Variants in MACC1 observed in about 807,000 individuals in gnomAD.
MACC1 encodes the protein MET transcriptional regulator MACC1.
MACC1 carries 79 observed loss-of-function variants against 70.7 expected under a neutral mutation model. That is an observed-to-expected ratio of 1.12 (90% CI 0.93 to 1.35). The LOEUF (loss-of-function observed/expected upper bound fraction) is 1.35, where lower values mean the gene tolerates loss of function less well. Among genes scored for constraint, MACC1 ranks in the 40% most tolerant of loss-of-function variants. MACC1 has a pLI of 0.00. For missense variants in MACC1, 1,106 were observed against 978.1 expected (o/e 1.13, Z -1.74); for synonymous variants, 361 against 347.2 (o/e 1.04, Z -0.44).
rs1781794405 is a variant in MACC1, at chr7:20,141,135, A to G, written c.2370T>C (p.Asp790=). Residue 790 remains aspartate, a synonymous_variant, in exon 7 of 7, where the codon GAT becomes GAC. Transcript: ENST00000400331. ...AGTGAGCACTCCAGGTATACAGAAA[A>G]TCATAGGCAGGTTTCCACATCATCT... ...AVEMMWKPAY[D]FLYTWSAHYG... 1 of 1,604,304 alleles carries G rather than the reference A, an allele frequency of 6.2e-7. No homozygotes were observed. Among genetic ancestry groups the G allele is most frequent in the East Asian group, 2.2e-5 (1 of 44,516 alleles).
At chr7:20,156,152 G>T (rs1240767202) in intron 5 of MACC1, among the ~76,000 whole-genome samples, 1 of 152,074 alleles carries the variant, frequency 6.6e-6, no homozygotes, top group Admixed American at 6.6e-5. Context: ...AGCTTATCGG[G>T]TCGCTCCCTG....
At chr7:20,166,847 G>A (rs1278576874) in intron 2 of MACC1, among the ~76,000 whole-genome samples, 1 of 152,096 alleles carries the variant, frequency 6.6e-6, no homozygotes. Context: ...TGAAGTTCAG[G>A]AAAATCATAA....
intron 2 of MACC1, among the ~76,000 whole-genome samples, chr7:20,168,578 C>A (rs917663964): frequency 6.6e-6 from 1 of 152,186 alleles, no homozygotes; most frequent in African/African-American, 2.4e-5. Flanking sequence ...CTCGGTCCCA[C>A]CTTTTACAGT....
intron 6 of MACC1, chr7:20,147,669 A>G (rs940180678): frequency 4.6e-4 from 70 of 152,230 alleles, no homozygotes; most frequent in African/African-American, 1.6e-3. Context: ...TGTCCTCACG[A>G]GGGAGATGCT....
At chr7:20,194,650 A>T (rs142592272) in intron 1 of MACC1, among the ~76,000 whole-genome samples, 1 of 152,170 alleles carries the variant, frequency 6.6e-6, no homozygotes, top group Non-Finnish European at 1.5e-5. Context: ...GCAAAACATC[A>T]TTTTGCTGTC....
At chr7:20,161,457 G>C (rs1036163410) in intron 4 of MACC1, among the ~76,000 whole-genome samples, 1 of 151,822 alleles carries the variant, frequency 6.6e-6, no homozygotes, top group African/African-American at 2.4e-5. Flanking sequence ...GCTCCATGAA[G>C]ATTTCCTAGG....
intron 1 of MACC1, among the ~76,000 whole-genome samples, chr7:20,183,041 C>T (rs1782533807): frequency 6.6e-6 from 1 of 152,150 alleles, no homozygotes. Context: ...ATGTCAATCC[C>T]CTCCTGTGAA....
intron 1 of MACC1, among the ~76,000 whole-genome samples, chr7:20,171,871 T>G (rs1782313577): frequency 6.6e-6 from 1 of 152,172 alleles, no homozygotes; most frequent in Non-Finnish European, 1.5e-5. Flanking sequence ...AAATTTCACT[T>G]ATTTCAACAC....
intron 1 of MACC1, among the ~76,000 whole-genome samples, chr7:20,190,514 C>A (rs542869665): frequency 6.6e-6 from 1 of 152,200 alleles, no homozygotes; most frequent in East Asian, 1.9e-4. Context: ...CAAGGCATAG[C>A]AAATAAACAT....
chr7:20,189,269 G>C (rs1258619728), intron 1 of MACC1, among the ~76,000 whole-genome samples: 1 of 151,858 alleles, frequency 6.6e-6, no homozygotes, highest in East Asian at 1.9e-4. Flanking sequence ...CTATATATTT[G>C]ACTTATTTAT....
Position 20,159,876 on chromosome 7 carries a change from TG to T in MACC1, c.484del (p.Gln162ArgfsTer7). ...CCACTCTAAGTCGTGTAGTAGGATC[TG>T]GTCAGAGTTATGTATACTCTGATGG... is the stretch of plus-strand genomic sequence containing the variant. The part of the protein sequence containing the change: ...HAHQSIHNSD[Q>X]ILLHDLEWLK... On this transcript the variant is annotated frameshift_variant, in exon 5 of 7. Transcript: ENST00000400331. LOFTEE classifies it high-confidence loss of function. 1 of 1,614,162 alleles carries T rather than the reference TG, an allele frequency of 6.2e-7. No homozygotes were observed.
At chr7:20,207,284 G>A (rs193091563) in intron 1 of MACC1, among the ~76,000 whole-genome samples, 6 of 151,544 alleles carry the variant, frequency 4.0e-5, no homozygotes, top group Admixed American at 1.3e-4. Flanking sequence ...GGGATTACAG[G>A]CATGTGCCAC....
rs1562576802 is a variant in MACC1 at position 20,138,179 on chromosome 7, A to AAAAAAAAAAAAAAAAAAAAAAAAAAAC, written c.*2766_*2767insGTTTTTTTTTTTTTTTTTTTTTTTTTT. On this transcript the variant is annotated 3_prime_UTR_variant, in exon 7 of 7. Transcript: ENST00000400331. Reference sequence around the variant, plus strand: ...AAAAAAAAAAAAAAAAAAAAAAAAAAAAATTTCCCCTGGAAGGATTTGTTA... The same window carrying AAAAAAAAAAAAAAAAAAAAAAAAAAAC: ...AAAAAAAAAAAAAAAAAAAAAAAAAAAAAAAAAAAAAAAAAAAAAAAAAAAACAAATTTCCCCTGGAAGGATTTGTTA... The AAAAAAAAAAAAAAAAAAAAAAAAAAAC allele has an allele frequency of 2.9e-5, 4 of 139,362 alleles. No individual in the cohort carries two copies. The highest frequency in any genetic ancestry group is 4.7e-5 in the Non-Finnish European group (3 of 64,310). 8.6% of individuals were successfully genotyped at this position (139,362 alleles called of 1,614,324 possible).
intron 1 of MACC1, among the ~76,000 whole-genome samples, chr7:20,214,381 C>T (rs145252699): frequency 6.6e-6 from 1 of 152,076 alleles, no homozygotes; most frequent in African/African-American, 2.4e-5. Context: ...GCTTGATATT[C>T]CCCCTACTTC....
chr7:20,201,848 G>A (rs1782838707), intron 1 of MACC1, among the ~76,000 whole-genome samples: 1 of 152,184 alleles, frequency 6.6e-6, no homozygotes, highest in South Asian at 2.1e-4. Flanking sequence ...CTCCAAGGAT[G>A]CAAAATGTGA....
intron 6 of MACC1, among the ~76,000 whole-genome samples, chr7:20,152,958 C>A (rs1782002491): frequency 6.6e-6 from 1 of 152,092 alleles, no homozygotes; most frequent in Admixed American, 6.5e-5. Context: ...TTTGTTTTTC[C>A]TTCTTAAAGG....
chr7:20,140,935 A>T lies in MACC1; in HGVS notation c.*11T>A, dbSNP rs778942642. 1 of 1,602,598 alleles carries T rather than the reference A, an allele frequency of 6.2e-7. No homozygotes were observed. On this transcript the variant is annotated 3_prime_UTR_variant, in exon 7 of 7. Coordinates refer to ENST00000400331, the MANE Select transcript of MACC1 (RefSeq NM_182762.4). ...TCATTTTCCCTCCCATCAAAAACACACGCTTTGTTTCTATACTTCCTCAGA... is the reference window on the plus strand; with the variant it reads ...TCATTTTCCCTCCCATCAAAAACACTCGCTTTGTTTCTATACTTCCTCAGA...
In MACC1 at chr7:20,139,749, A is replaced by G. The variant is rs1215387493; in HGVS notation, c.*1197T>C. On this transcript the variant is annotated 3_prime_UTR_variant, in exon 7 of 7. Transcript: ENST00000400331. ...TTTGTGAACTTTGTCAGCCATTAGCATTTATACTGACCCAGGGTCCTATAC... is the reference window on the plus strand; with the variant it reads ...TTTGTGAACTTTGTCAGCCATTAGCGTTTATACTGACCCAGGGTCCTATAC... The G allele has an allele frequency of 6.6e-6, 1 of 151,862 alleles. No homozygotes were observed. Among genetic ancestry groups the G allele is most frequent in the Non-Finnish European group, 1.5e-5 (1 of 67,960 alleles). The allele number at this position is 151,862 out of a possible 1,614,324, so 9.4% of individuals were successfully genotyped here. A position where few individuals can be genotyped will look rare whatever the true frequency, so the allele number is the denominator to read the frequency against.
intron 1 of MACC1, among the ~76,000 whole-genome samples, chr7:20,183,611 A>C (rs1303108861): frequency 6.6e-6 from 1 of 152,204 alleles, no homozygotes; most frequent in Non-Finnish European, 1.5e-5. Flanking sequence ...CAGAAGGAGA[A>C]ATTCTCCACA....
Sources: gnomAD v4.1 joint callset for allele counts (sites outside exome capture counted in the v4.1 genomes callset) on GRCh38, gnomAD v4.1.1 for gene constraint, MANE v1.5 for transcripts, NCBI Gene and HGNC (gene_info 2026-07-23, HGNC 2026-07-21) for gene names.